The following PTPRD variants were observed in gnomAD, a reference collection of about 807,000 sequenced individuals.
PTPRD encodes receptor-type tyrosine-protein phosphatase delta.
In PTPRD, 34 loss-of-function variants were observed where a neutral mutation model predicts 214.5. The observed-to-expected ratio is 0.16, with a 90% confidence interval of 0.12 to 0.21. PTPRD has a LOEUF of 0.21. Ranked by LOEUF, PTPRD falls within the 10% of genes least tolerant of loss-of-function variation. PTPRD has a pLI of 1.00. For missense variants in PTPRD, 2,545 were observed against 2,398.7 expected (o/e 1.06, Z -1.27); for synonymous variants, 1,128 against 845.7 (o/e 1.33, Z -5.79).
At chr9:8,556,909 G>C (rs1176692514) in intron 14 of PTPRD, among the ~76,000 whole-genome samples, 1 of 152,086 alleles carries the variant, frequency 6.6e-6, no homozygotes, top group African/African-American at 2.4e-5. Context: ...GCCAATAAAA[G>C]GTCCCGAGTT....
chr9:9,623,094 T>C (rs765241658), intron 7 of PTPRD, among the ~76,000 whole-genome samples: 3 of 152,246 alleles, frequency 2.0e-5, no homozygotes, highest in Admixed American at 6.5e-5. Context: ...AAGAGATTTA[T>C]AAATCCTTTA....
At chr9:8,473,479 T>G (rs182487899) in intron 30 of PTPRD, among the ~76,000 whole-genome samples, 2 of 152,312 alleles carry the variant, frequency 1.3e-5, no homozygotes, top group South Asian at 2.1e-4. Flanking sequence ...GCAGATGTGC[T>G]TGATAAACAC....
At chr9:8,413,120 A>C (rs930982086) in intron 35 of PTPRD, among the ~76,000 whole-genome samples, 1 of 152,170 alleles carries the variant, frequency 6.6e-6, no homozygotes, top group African/African-American at 2.4e-5. Context: ...AAATATGAAA[A>C]TGTCTAGCCT....
intron 2 of PTPRD, among the ~76,000 whole-genome samples, chr9:10,601,719 C>G (rs1389634260): frequency 6.6e-6 from 1 of 151,630 alleles, no homozygotes; most frequent in Non-Finnish European, 1.5e-5. Flanking sequence ...AACCACTGCT[C>G]CTTCTCCAAG....
chr9:9,237,920 G>T lies in PTPRD; in HGVS notation c.-202-54557C>A, dbSNP rs546573954. 3.3e-4 allele frequency among the ~76,000 whole-genome samples: 51 copies of T among 152,246 alleles called. 1 individual carries two copies. The highest frequency in any genetic ancestry group is 6.8e-3 in the Middle Eastern group (2 of 294). On this transcript the variant is annotated intron_variant, in intron 9 of 45. Coordinates refer to ENST00000381196, the MANE Select transcript of PTPRD (RefSeq NM_002839.4). ...CCTCAAATTAGCTCCTCTAAGAACT[G>T]TTCCTTCCATTTACTTCTGTTCCTC... is the stretch of plus-strand genomic sequence containing the variant.
At chr9:8,477,219 T>C (rs2096783465) in intron 30 of PTPRD, among the ~76,000 whole-genome samples, 2 of 152,188 alleles carry the variant, frequency 1.3e-5, no homozygotes, top group East Asian at 1.9e-4. Context: ...GCCTGGAGTT[T>C]AGACTCAAAA....
intron 10 of PTPRD, among the ~76,000 whole-genome samples, chr9:9,157,710 T>C (rs2099882458): frequency 6.6e-6 from 1 of 152,218 alleles, no homozygotes; most frequent in African/African-American, 2.4e-5. Flanking sequence ...CTTTTCTTTT[T>C]TTTTCTTTCA....
chr9:8,495,098 T>C (rs1045061225), intron 26 of PTPRD, among the ~76,000 whole-genome samples: 1 of 152,198 alleles, frequency 6.6e-6, no homozygotes, highest in Non-Finnish European at 1.5e-5. Context: ...TATTCCTGAT[T>C]TATTTCCAGC....
At chr9:10,153,147 A>C (rs566350191) in intron 3 of PTPRD, among the ~76,000 whole-genome samples, 1 of 152,172 alleles carries the variant, frequency 6.6e-6, no homozygotes, top group African/African-American at 2.4e-5. Context: ...AAAGTTGTTG[A>C]GAGTAGATTT....
chr9:8,401,563 A>T (rs2092396896), intron 36 of PTPRD, among the ~76,000 whole-genome samples: 1 of 152,170 alleles, frequency 6.6e-6, no homozygotes, highest in Non-Finnish European at 1.5e-5. Context: ...CCTAGCCTAA[A>T]TAAAATGACT....
intron 8 of PTPRD, among the ~76,000 whole-genome samples, chr9:9,440,237 A>C (rs997730724): frequency 1.3e-5 from 2 of 152,314 alleles, no homozygotes. Context: ...GTAAATATTC[A>C]GCTTGGAATG....
intron 11 of PTPRD, among the ~76,000 whole-genome samples, chr9:8,804,158 G>C (rs1295601076): frequency 6.6e-6 from 1 of 151,976 alleles, no homozygotes; most frequent in African/African-American, 2.4e-5. Context: ...TCGCTATGTT[G>C]GTCCGTCTGG....
At chr9:9,533,510 T>A (rs2075918158) in intron 8 of PTPRD, among the ~76,000 whole-genome samples, 1 of 152,100 alleles carries the variant, frequency 6.6e-6, no homozygotes, top group African/African-American at 2.4e-5. Context: ...CTTTTCAGGC[T>A]GTTTTAAATT....
chr9:8,349,931 TG>T (rs1468782900), intron 39 of PTPRD, among the ~76,000 whole-genome samples: 9 of 104,326 alleles, frequency 8.6e-5, no homozygotes, highest in African/African-American at 2.1e-4. Context: ...TAAACTTTAG[TG>T]GTTTTTTTTT....
At chr9:8,333,766 ATAAAGAG>A (rs1333487013) in intron 43 of PTPRD, among the ~76,000 whole-genome samples, 2 of 151,560 alleles carry the variant, frequency 1.3e-5, no homozygotes, top group African/African-American at 2.4e-5. Flanking sequence ...GGCCAATTGG[ATAAAGAG>A]TAAAGACCCA....
intron 2 of PTPRD, among the ~76,000 whole-genome samples, chr9:10,432,608 G>A (rs1221484890): frequency 2.0e-5 from 3 of 151,808 alleles, no homozygotes; most frequent in African/African-American, 7.3e-5. Context: ...ATCAGAAGTG[G>A]ACTAGTGAAA....
At chr9:10,600,049 A>G (rs1343523010) in intron 2 of PTPRD, among the ~76,000 whole-genome samples, 2 of 151,782 alleles carry the variant, frequency 1.3e-5, no homozygotes, top group Admixed American at 6.6e-5. Context: ...ATATATTTAA[A>G]GGTCATTTAA....
At chr9:10,016,607 G>A (rs1173938920) in intron 4 of PTPRD, among the ~76,000 whole-genome samples, 1 of 151,630 alleles carries the variant, frequency 6.6e-6, no homozygotes, top group Non-Finnish European at 1.5e-5. Flanking sequence ...ATTGTTTCCA[G>A]GTTTGTCTGT....
intron 11 of PTPRD, among the ~76,000 whole-genome samples, chr9:8,929,855 A>G (rs868478819): frequency 4.5e-5 from 3 of 66,366 alleles, no homozygotes; most frequent in Non-Finnish European, 5.7e-5. Flanking sequence ...GTGTATATAT[A>G]TGTGTATATA....
Sources: allele counts gnomAD v4.1 joint callset (sites outside exome capture counted in the v4.1 genomes callset), GRCh38; gene constraint gnomAD v4.1.1; transcripts MANE v1.5; gene names NCBI Gene and HGNC (gene_info 2026-07-23, HGNC 2026-07-21).